HNF4A: variants seen among roughly 807,000 people sequenced by gnomAD.
The protein encoded by HNF4A is hepatocyte nuclear factor 4 alpha, also known as hepatocyte nuclear factor 4-alpha.
HNF4A carries 15 observed loss-of-function variants against 52.4 expected under a neutral mutation model. The observed-to-expected ratio is 0.29, with a 90% CI of 0.19 to 0.44. HNF4A has a LOEUF of 0.44. HNF4A is among the 20% of genes least tolerant of loss of function. The probability of loss-of-function intolerance (pLI) is 1.00; values close to 1 mark genes in which losing one functional copy is unlikely to be tolerated. For missense variants in HNF4A, 479 were observed against 647.2 expected (o/e 0.74, Z 2.82); for synonymous variants, 280 against 264.4 (o/e 1.06, Z -0.57).
intron 7 of HNF4A, among the ~76,000 whole-genome samples, chr20:44,421,493 CCTGTAATCCCAGCA>C (rs1225357253): frequency 1.3e-5 from 2 of 152,042 alleles, no homozygotes; most frequent in African/African-American, 4.8e-5. Context: ...GTGGCTCACG[CCTGTAATCCCAGCA>C]CTTTGGGAGA....
chr20:44,422,309 T>A (rs927439398), intron 7 of HNF4A, among the ~76,000 whole-genome samples: 3 of 152,124 alleles, frequency 2.0e-5, no homozygotes, highest in Non-Finnish European at 4.4e-5. Context: ...ATGGGAAGGA[T>A]CACTGATGCT....
At chr20:44,401,157 G>GT, upstream of HNF4A, 1 of 1,418,916 alleles carries the variant, frequency 7.0e-7, no homozygotes, top group Non-Finnish European at 9.3e-7. Context: ...ATCCACCGGC[G>GT]GGGGACCGAT....
chr20:44,390,411 C>A, intron 1 of HNF4A: 1 of 525,714 alleles, frequency 1.9e-6, no homozygotes, highest in Non-Finnish European at 3.4e-6. Context: ...TCTCTAGGAG[C>A]CCCTTGCAGA....
chr20:44,391,907 A>G (rs2063306595), intron 1 of HNF4A: 1 of 152,228 alleles, frequency 6.6e-6, no homozygotes. Context: ...TACACCTTTT[A>G]TGTTTTGATT....
At chr20:44,412,609 G>T (rs537587739) in intron 3 of HNF4A, among the ~76,000 whole-genome samples, 92 of 152,232 alleles carry the variant, frequency 6.0e-4, no homozygotes, top group African/African-American at 2.2e-3. Context: ...TGACTTGAAC[G>T]GATCCCTCTG....
At chr20:44,411,289 T>C (rs1404179449) in intron 3 of HNF4A, among the ~76,000 whole-genome samples, 1 of 152,216 alleles carries the variant, frequency 6.6e-6, no homozygotes, top group Non-Finnish European at 1.5e-5. Flanking sequence ...TCTCCGCCTC[T>C]GCCCAGGTCG....
At chr20:44,381,947 A>T (rs2063159463) in intron 1 of HNF4A, among the ~76,000 whole-genome samples, 1 of 152,236 alleles carries the variant, frequency 6.6e-6, no homozygotes, top group Non-Finnish European at 1.5e-5. Flanking sequence ...ACGCAACTAT[A>T]TGCTGGGCAG....
chr20:44,365,768 AGGCTGAGGT>A (rs1332035484), intron 1 of HNF4A, among the ~76,000 whole-genome samples: 2 of 152,184 alleles, frequency 1.3e-5, no homozygotes, highest in Non-Finnish European at 2.9e-5. Flanking sequence ...GCACTTTGGG[AGGCTGAGGT>A]GGGTGAATCA....
chr20:44,422,686 T>C (rs937326327), intron 7 of HNF4A, among the ~76,000 whole-genome samples: 9 of 147,524 alleles, frequency 6.1e-5, no homozygotes, highest in African/African-American at 2.2e-4. Context: ...TATAAATATA[T>C]ATTTTTTAAA....
intron 7 of HNF4A, 79 bp downstream of exon 7, chr20:44,419,955 C>A: frequency 7.3e-7 from 1 of 1,378,628 alleles, no homozygotes; most frequent in Non-Finnish European, 1.0e-6. Flanking sequence ...GGGTTCTGTA[C>A]ACTGAGTTCA....
chr20:44,418,055 C>T (rs1729441001), intron 5 of HNF4A, among the ~76,000 whole-genome samples: 2 of 151,798 alleles, frequency 1.3e-5, no homozygotes, highest in Admixed American at 1.3e-4. Flanking sequence ...GAATTTGGGA[C>T]CCACAGTTTT....
At chr20:44,406,592 T>C (rs891671769) in intron 2 of HNF4A, among the ~76,000 whole-genome samples, 6 of 152,222 alleles carry the variant, frequency 3.9e-5, no homozygotes, top group African/African-American at 1.2e-4. Context: ...GTGCTGTTTT[T>C]GGGACAAATA....
chr20:44,366,514 A>T (rs901054472), intron 1 of HNF4A, among the ~76,000 whole-genome samples: 3 of 152,218 alleles, frequency 2.0e-5, no homozygotes, highest in African/African-American at 4.8e-5. Flanking sequence ...CCAGCTACTC[A>T]GGAGGCTGAG....
upstream of HNF4A, among the ~76,000 whole-genome samples, chr20:44,400,898 G>T (rs1325273840): frequency 2.6e-5 from 4 of 152,126 alleles, no homozygotes; most frequent in Admixed American, 2.0e-4. Flanking sequence ...GGAAGTTATT[G>T]AATTAGGGGA....
rs570184253 is a variant in HNF4A at position 44,422,108 on chromosome 20, T to C, written c.893-1910T>C. ...TCACACAACCGGAAAATGGCAGAGC[T>C]TGGATTTGAACTTCAGACCACCTGT... is the stretch of plus-strand genomic sequence containing the variant. On this transcript the variant is annotated intron_variant, in intron 7 of 9. Transcript: ENST00000316099. 1.1e-4 allele frequency among the ~76,000 whole-genome samples: 17 copies of C among 152,112 alleles called. No homozygotes were observed. In the East Asian group the frequency reaches 3.3e-3, roughly 29 times the overall value.
At chr20:44,382,765 G>T in intron 1 of HNF4A, among the ~76,000 whole-genome samples, 1 of 152,128 alleles carries the variant, frequency 6.6e-6, no homozygotes, top group East Asian at 1.9e-4. Context: ...ATTTTGCTAT[G>T]TCACTTTCTG....
At position 44,419,973 on chromosome 20, in the gene HNF4A, A is replaced by T. The variant is rs533901484; in HGVS notation, c.892+97A>T. 1.6e-5 allele frequency: 20 copies of T among 1,268,198 alleles called. No individual in the cohort carries two copies. In the Admixed American group the frequency reaches 1.8e-4, roughly 12 times the overall value. 78.6% of individuals were successfully genotyped at this position (1,268,198 alleles called of 1,614,324 possible). On this transcript the variant is annotated intron_variant, in intron 7 of 9. Coordinates refer to ENST00000316099, the MANE Select transcript of HNF4A (RefSeq NM_000457.6). ...TTCTGTACACTGAGTTCACAGCCTC[A>T]TCTCATGTTAACGACAGCCAGGAGA...
chr20:44,370,573 T>TA (rs1444864382), intron 1 of HNF4A, among the ~76,000 whole-genome samples: 2 of 152,204 alleles, frequency 1.3e-5, no homozygotes, highest in African/African-American at 4.8e-5. Flanking sequence ...GCGCTGAAAT[T>TA]ACGTATTCCT....
At chr20:44,411,553 C>A (rs12481400) in intron 3 of HNF4A, among the ~76,000 whole-genome samples, 28,494 of 151,592 alleles carry the variant, frequency 0.19, 2,819 homozygotes, top group Non-Finnish European at 0.21. Context: ...GTGGACGGCC[C>A]GGTCAGGGAA....
Sources: gnomAD v4.1 joint callset for allele counts (sites outside exome capture counted in the v4.1 genomes callset) on GRCh38, gnomAD v4.1.1 for gene constraint, MANE v1.5 for transcripts, NCBI Gene and HGNC (gene_info 2026-07-23, HGNC 2026-07-21) for gene names.